Variants in PLEKHM3 observed in about 807,000 individuals in gnomAD.
PLEKHM3 encodes the protein pleckstrin homology domain-containing family M member 3.
Under a neutral mutation model 81.8 loss-of-function variants are expected in PLEKHM3, and 45 were observed. That is an observed-to-expected ratio of 0.55 (90% confidence interval 0.43 to 0.71). The LOEUF (loss-of-function observed/expected upper bound fraction) is 0.71. Ranked by LOEUF, PLEKHM3 falls within the 30% of genes least tolerant of loss-of-function variation. The probability of loss-of-function intolerance (pLI) is 0.00; values close to 1 mark genes in which losing one functional copy is unlikely to be tolerated. For missense variants in PLEKHM3, 788 were observed against 924.3 expected (o/e 0.85, Z 1.91); for synonymous variants, 352 against 356.4 (o/e 0.99, Z 0.14).
At chr2:207,906,134 C>T (rs2621471) in intron 6 of PLEKHM3, among the ~76,000 whole-genome samples, 95,275 of 152,072 alleles carry the variant, frequency 0.63, 30,744 homozygotes, top group African/African-American at 0.75. Context: ...ACCCATTGTA[C>T]TTTAAACCAT....
At position 207,865,781 on chromosome 2, in the gene PLEKHM3, C is replaced by CAAAAAAAAAAAAAA. The variant is rs71412445; in HGVS notation, c.1951-4533_1951-4520dup. Among the ~76,000 whole-genome samples the CAAAAAAAAAAAAAA allele has an allele frequency of 1.3e-3, 5 of 3,796 alleles. 2 individuals carry two copies. The highest frequency in any genetic ancestry group is 2.2e-3 in the Non-Finnish European group (4 of 1,822). The allele number at this position is 3,796 out of a possible 152,430, so 2.5% of individuals were successfully genotyped here. A position where few individuals can be genotyped will look rare whatever the true frequency, so the allele number is the denominator to read the frequency against. ...GGCAACAAGAACAAAAACTCCGACT[C>CAAAAAAAAAAAAAA]AAAAAAAAAAAAAAAAAAAAAGATA... is the stretch of plus-strand genomic sequence containing the variant. On this transcript the variant is annotated intron_variant, in intron 6 of 7. Transcript: ENST00000427836.
intron 5 of PLEKHM3, among the ~76,000 whole-genome samples, chr2:207,923,871 A>ACG (rs1303932350): frequency 5.3e-5 from 2 of 37,634 alleles, no homozygotes; most frequent in African/African-American, 2.1e-4. Context: ...ACACACACAC[A>ACG]CACACACACA....
intron 3 of PLEKHM3, among the ~76,000 whole-genome samples, chr2:207,953,920 T>G (rs1690420966): frequency 6.6e-6 from 1 of 152,168 alleles, no homozygotes; most frequent in Non-Finnish European, 1.5e-5. Context: ...TAGGTTAACT[T>G]CAGCTGGCAC....
chr2:207,844,431 T>C lies in PLEKHM3; in HGVS notation c.2109-15935A>G, dbSNP rs948493262. On this transcript the variant is annotated intron_variant, in intron 7 of 7. Transcript: ENST00000427836. Reference sequence around the variant, plus strand: ...CATTCTCCTGCCTCAGCCTCCGGAGTAGCTGGGACTACAGGCGCCCACCAC... The same window carrying C: ...CATTCTCCTGCCTCAGCCTCCGGAGCAGCTGGGACTACAGGCGCCCACCAC... Among the ~76,000 whole-genome samples, 4 of 148,880 alleles carry C rather than the reference T, an allele frequency of 2.7e-5. No homozygotes were observed. In the Admixed American group the frequency reaches 2.7e-4, roughly 10 times the overall value.
intron 7 of PLEKHM3, among the ~76,000 whole-genome samples, chr2:207,836,593 G>A (rs2092320858): frequency 6.6e-6 from 1 of 152,196 alleles, no homozygotes; most frequent in South Asian, 2.1e-4. Flanking sequence ...AAGAATTCCT[G>A]GCTGCAGAGT....
chr2:207,976,933 C>T lies in PLEKHM3; in HGVS notation c.1264G>A (p.Asp422Asn), dbSNP rs750202465. 23 of 1,614,218 alleles carry T rather than the reference C, an allele frequency of 1.4e-5. No homozygotes were observed. The highest frequency in any genetic ancestry group is 6.7e-5 in the Admixed American group (4 of 60,028). Residue 422 changes from aspartate (D) to asparagine (N), a missense_variant, in exon 3 of 8, where the codon GAC becomes AAC. Coordinates refer to ENST00000427836, the MANE Select transcript of PLEKHM3 (RefSeq NM_001080475.3). The surrounding 1 kb of genome is among the most constrained non-coding windows in gnomAD (Gnocchi z 4.1). ...AVQMDNLDGC[D>N]SCFQVIFPQD... The stretch of plus-strand genomic sequence containing the variant: ...GGGAAAATGACTTGAAAGCAAGAGT[C>T]GCAGCCATCCAGGTTGTCCATCTGG...
chr2:207,894,717 C>T (rs1688166061), intron 6 of PLEKHM3, among the ~76,000 whole-genome samples: 1 of 152,198 alleles, frequency 6.6e-6, no homozygotes. Context: ...CCTTCCACTG[C>T]AGAAGCAATC....
chr2:207,986,605 C>A (rs181011965), intron 2 of PLEKHM3, among the ~76,000 whole-genome samples: 7 of 152,142 alleles, frequency 4.6e-5, no homozygotes, highest in Admixed American at 2.6e-4. Context: ...TACAGAAGTT[C>A]TTAAGGTCCT....
At chr2:208,017,841 T>A (rs140176862) in intron 1 of PLEKHM3, among the ~76,000 whole-genome samples, 1 of 152,302 alleles carries the variant, frequency 6.6e-6, no homozygotes, top group Non-Finnish European at 1.5e-5. Context: ...TTTGACCTAC[T>A]GAACACCCAC....
chr2:208,008,692 C>G (rs1692589437), intron 1 of PLEKHM3, among the ~76,000 whole-genome samples: 1 of 152,164 alleles, frequency 6.6e-6, no homozygotes, highest in African/African-American at 2.4e-5. Context: ...TGTTAACCAG[C>G]CCCTCCTTAA....
chr2:208,019,649 G>C (rs1201054857), intron 1 of PLEKHM3: 1 of 152,136 alleles, frequency 6.6e-6, no homozygotes, highest in Non-Finnish European at 1.5e-5. Context: ...ATCTGAAAGA[G>C]CTCTTCACAA....
intron 1 of PLEKHM3, among the ~76,000 whole-genome samples, 190 bp from the exon 2 acceptor site, chr2:208,002,147 G>A (rs1475569230): frequency 2.0e-5 from 3 of 152,190 alleles, no homozygotes; most frequent in Admixed American, 6.5e-5. Flanking sequence ...AAACTTACAC[G>A]GAGCAGGGAG....
At chr2:208,011,945 C>T (rs1465375394) in intron 1 of PLEKHM3, among the ~76,000 whole-genome samples, 2 of 151,688 alleles carry the variant, frequency 1.3e-5, no homozygotes, top group South Asian at 2.1e-4. Context: ...TACAGGTGTC[C>T]GCCACCAGGC....
chr2:207,918,539 ACAAAAAACAAAC>A (rs996687975), intron 5 of PLEKHM3, among the ~76,000 whole-genome samples: 1 of 146,316 alleles, frequency 6.8e-6, no homozygotes, highest in African/African-American at 2.8e-5. Flanking sequence ...AAACAAACAA[ACAAAAAACAAAC>A]AAACAAACAA....
rs958936449 is a variant in PLEKHM3 at position 207,853,955 on chromosome 2, G to C, written c.2108+7150C>G. Among the ~76,000 whole-genome samples, 5 of 151,852 alleles carry C rather than the reference G, an allele frequency of 3.3e-5. 1 individual carries two copies. Among genetic ancestry groups the C allele is most frequent in the African/African-American group, 4.8e-5 (2 of 41,350 alleles). On this transcript the variant is annotated intron_variant, in intron 7 of 7. Transcript: ENST00000427836. ...CCAGCTAATTTTTGTATTTTTATTAGAGACGGGGTTTCACCATGTTGGCCA... is the reference window on the plus strand; with the variant it reads ...CCAGCTAATTTTTGTATTTTTATTACAGACGGGGTTTCACCATGTTGGCCA...
intron 3 of PLEKHM3, among the ~76,000 whole-genome samples, chr2:207,958,782 C>G (rs978790153): frequency 6.6e-6 from 1 of 152,078 alleles, no homozygotes; most frequent in South Asian, 2.1e-4. Flanking sequence ...TGGTGGCACA[C>G]GCCTATAATC....
chr2:207,939,280 T>G (rs1002152501), intron 4 of PLEKHM3, among the ~76,000 whole-genome samples: 2 of 152,198 alleles, frequency 1.3e-5, no homozygotes, highest in African/African-American at 2.4e-5. Flanking sequence ...GAGGATAGAA[T>G]GATAATTTTG....
chr2:207,857,159 C>T (rs2092441181), intron 7 of PLEKHM3, among the ~76,000 whole-genome samples: 1 of 152,216 alleles, frequency 6.6e-6, no homozygotes, highest in Non-Finnish European at 1.5e-5. Flanking sequence ...AAGGCTCTAA[C>T]TATAACAGTA....
At chr2:207,983,942 C>A (rs1416861605) in intron 2 of PLEKHM3, among the ~76,000 whole-genome samples, 1 of 152,178 alleles carries the variant, frequency 6.6e-6, no homozygotes, top group Non-Finnish European at 1.5e-5. Flanking sequence ...GCTAAACTCT[C>A]TGGGTATCTC....
Sources: gnomAD v4.1 joint callset for allele counts (sites outside exome capture counted in the v4.1 genomes callset) on GRCh38, gnomAD v4.1.1 for gene constraint, Gnocchi (gnomAD v3.1) non-coding constraint, MANE v1.5 for transcripts, NCBI Gene and HGNC (gene_info 2026-07-23, HGNC 2026-07-21) for gene names.